Variants in TASOR2 observed in about 807,000 individuals in gnomAD.
The protein encoded by TASOR2 is transcription activation suppressor family member 2, also known as protein TASOR 2.
In TASOR2, 84 loss-of-function variants were observed where a neutral mutation model predicts 199.5. That is an observed-to-expected ratio of 0.42 (90% CI 0.35 to 0.50). The LOEUF (loss-of-function observed/expected upper bound fraction) is 0.50, where lower values mean the gene tolerates loss of function less well. TASOR2 is among the 20% of genes least tolerant of loss of function. The probability of loss-of-function intolerance (pLI) is 0.02; values close to 1 mark genes in which losing one functional copy is unlikely to be tolerated. For missense variants in TASOR2, 2,796 were observed against 2,835.9 expected, an observed-to-expected ratio of 0.99 and a Z score of 0.32; for synonymous variants, 1,103 against 1,046.6, an observed-to-expected ratio of 1.05 and a Z score of -1.04.
At chr10:5,692,600 A>C (rs921965287) in intron 1 of TASOR2, among the ~76,000 whole-genome samples, 1 of 151,962 alleles carries the variant, frequency 6.6e-6, no homozygotes, top group African/African-American at 2.4e-5. Context: ...CCTACCCGCT[A>C]CAAGCTCCGT....
At position 5,737,395 on chromosome 10, in the gene TASOR2, T is replaced by C. The variant is rs1349454019; in HGVS notation, c.1447+1849T>C. Among the ~76,000 whole-genome samples, 3 of 151,636 alleles carry C rather than the reference T, an allele frequency of 2.0e-5. No homozygotes were observed. Among genetic ancestry groups the C allele is most frequent in the South Asian group, 2.1e-4 (1 of 4,772 alleles). ...GCTCATCATGTCATTCAAAAACCCA[T>C]ATGCTGCAGTTTTGGCTTCCATACC... On this transcript the variant is annotated intron_variant, in intron 12 of 20. Coordinates refer to ENST00000328090, the Ensembl canonical transcript of TASOR2. This position sits in a 1 kb window ranked among gnomAD's most constrained non-coding sequence, Gnocchi z 4.9.
At position 5,698,502 on chromosome 10, in the gene TASOR2, AT is replaced by A. The variant is rs1181111591; in HGVS notation, c.-288+13329del. Among the ~76,000 whole-genome samples the A allele has an allele frequency of 4.0e-4, 61 of 152,350 alleles. No homozygotes were observed. The highest frequency in any genetic ancestry group is 1.4e-3 in the African/African-American group (58 of 41,574). ...TACAGACGATATTTTTCAAAACAAT[AT>A]TAGCAGAAAATAAATCACAAGTGGT... is the stretch of plus-strand genomic sequence containing the variant. On this transcript the variant is annotated intron_variant, in intron 1 of 20. Coordinates refer to ENST00000328090, the Ensembl canonical transcript of TASOR2. This position sits in a 1 kb window ranked among gnomAD's most constrained non-coding sequence, Gnocchi z 4.4.
At chr10:5,758,906 C>T in exon 18 of TASOR2, 2 of 1,613,164 alleles carry the variant, frequency 1.2e-6, no homozygotes, top group East Asian at 2.2e-5. Flanking sequence ...AGGAAATTAT[C>T]AAAATCCTGG....
At chr10:5,760,638 T>A (rs1238660158) in intron 18 of TASOR2, among the ~76,000 whole-genome samples, 1 of 152,212 alleles carries the variant, frequency 6.6e-6, no homozygotes, top group Admixed American at 6.5e-5. Flanking sequence ...AAAGTTGGTA[T>A]CATGTAACTA....
In TASOR2 at chr10:5,742,213, T is replaced by G; in HGVS notation, c.2444T>G (p.Val815Gly). ...ATCATACGATCTTCCCGAAAGGTTG[T>G]AGAACACAGCAACCCAGCAAAATAT... Residue 815 changes from valine to glycine, a missense_variant, in exon 14 of 21, where the codon GTA becomes GGA. By Grantham distance (109) the Val-to-Gly change is moderately radical (BLOSUM62 -3). Transcript: ENST00000328090. This position sits in a 1 kb window ranked among gnomAD's most constrained non-coding sequence, Gnocchi z 4.2. 1 of 1,614,180 alleles carries G rather than the reference T, an allele frequency of 6.2e-7. No homozygotes were observed. Among genetic ancestry groups the G allele is most frequent in the Non-Finnish European group, 8.5e-7 (1 of 1,180,016 alleles).
rs976443250 is a variant in TASOR2 at position 5,750,440 on chromosome 10, A to G, written c.6606+413A>G. On this transcript the variant is annotated intron_variant, in intron 15 of 20. Coordinates refer to ENST00000328090, the Ensembl canonical transcript of TASOR2. This position sits in a 1 kb window ranked among gnomAD's most constrained non-coding sequence, Gnocchi z 5.4. ...TTGAATTTGAATGTTAGGATAACTGATGTTACGGTGAGTACATGGAGTACA... is the reference window on the plus strand; with the variant it reads ...TTGAATTTGAATGTTAGGATAACTGGTGTTACGGTGAGTACATGGAGTACA... 1.3e-5 allele frequency among the ~76,000 whole-genome samples: 2 copies of G among 152,206 alleles called. No individual in the cohort carries two copies. Among genetic ancestry groups the G allele is most frequent in the Non-Finnish European group, 2.9e-5 (2 of 68,040 alleles).
At chr10:5,734,261 C>T (rs542894582) in intron 11 of TASOR2, among the ~76,000 whole-genome samples, 1 of 152,308 alleles carries the variant, frequency 6.6e-6, no homozygotes, top group African/African-American at 2.4e-5. Flanking sequence ...TTTAGCTCCA[C>T]CTTTAGCTAT....
In TASOR2 at chr10:5,706,451, C is replaced by A. The variant is rs1013022863; in HGVS notation, c.-287-6372C>A. ...AGCCAGGCAGTAATATCAGAGGGCACAAGCCCAGATTGAAGCTGGAAGACA... is the reference window on the plus strand; with the variant it reads ...AGCCAGGCAGTAATATCAGAGGGCAAAAGCCCAGATTGAAGCTGGAAGACA... On this transcript the variant is annotated intron_variant, in intron 1 of 20. Coordinates refer to ENST00000328090, the Ensembl canonical transcript of TASOR2. The surrounding 1 kb of genome is among the most constrained non-coding windows in gnomAD (Gnocchi z 4.8). 1.3e-5 allele frequency among the ~76,000 whole-genome samples: 2 copies of A among 152,102 alleles called. No individual in the cohort carries two copies. The highest frequency in any genetic ancestry group is 4.8e-5 in the African/African-American group (2 of 41,408).
intron 12 of TASOR2, 96 bp from the exon 14 acceptor site, chr10:5,739,522 T>C (rs1312531616): frequency 1.7e-6 from 2 of 1,200,216 alleles, no homozygotes; most frequent in African/African-American, 3.1e-5. Flanking sequence ...CATAAGTTTT[T>C]CTCAGACATG....
chr10:5,746,179 G>A, exon 15 of TASOR2: 1 of 1,515,820 alleles, frequency 6.6e-7, no homozygotes, highest in Non-Finnish European at 8.8e-7. Context: ...GCCGTTTCAG[G>A]TAACTGGGGA....
chr10:5,762,522 T>TC lies in TASOR2; in HGVS notation c.7175-10_7175-9insC. ...ATTAACCAAAAGTTGTTTTTTTTTT[T>TC]TTTTAACAGACAAGCCTACTATCCC... On this transcript the variant is annotated splice_polypyrimidine_tract_variant and intron_variant, in intron 19 of 20. Transcript: ENST00000328090. 1 of 654,626 alleles carries TC rather than the reference T, an allele frequency of 1.5e-6. No homozygotes were observed. The highest frequency in any genetic ancestry group is 2.4e-6 in the Non-Finnish European group (1 of 419,596). 40.6% of individuals were successfully genotyped at this position (654,626 alleles called of 1,614,324 possible). A position where few individuals can be genotyped will look rare whatever the true frequency, so the allele number is the denominator to read the frequency against.
Position 5,748,891 on chromosome 10 carries a change from T to C in TASOR2, c.5470T>C (p.Tyr1824His). ...GGTCGGTGTGAATTCCGACATGCAC[T>C]ATGAACTCTCTGGAGATTCTGATCT... Residue 1824 changes from tyrosine to histidine, a missense_variant, in exon 15 of 21, where the codon TAT becomes CAT. Around this residue, in one of 3 missense-constraint regions of TASOR2, gnomAD observed 1,941 missense variants for 1,924.9 expected, o/e 1.01. Coordinates refer to ENST00000328090, the Ensembl canonical transcript of TASOR2. The surrounding 1 kb of genome is among the most constrained non-coding windows in gnomAD (Gnocchi z 5.1). 1 of 1,614,200 alleles carries C rather than the reference T, an allele frequency of 6.2e-7. No homozygotes were observed. The highest frequency in any genetic ancestry group is 1.1e-5 in the South Asian group (1 of 91,088).
At position 5,749,097 on chromosome 10, in the gene TASOR2, C is replaced by G. The variant is rs1294630249; in HGVS notation, c.5676C>G (p.Ser1892Arg). The G allele has an allele frequency of 2.5e-6, 4 of 1,614,104 alleles. No individual in the cohort carries two copies. In the Admixed American group the frequency reaches 6.7e-5, roughly 27 times the overall value. ...GCTGGGTTCCAGGCATGGAGACGAGCCTCCCTCCCGGGCACTGGACTGCTG... is the reference window on the plus strand; with the variant it reads ...GCTGGGTTCCAGGCATGGAGACGAGGCTCCCTCCCGGGCACTGGACTGCTG... The change falls in exon 15 of 21, where the codon AGC becomes AGG. Residue 1892 changes from serine (S) to arginine (R), a missense_variant. By Grantham distance (110) the Ser-to-Arg change is moderately radical. Coordinates refer to ENST00000328090, the Ensembl canonical transcript of TASOR2.
chr10:5,703,458 ATGT>A (rs756175144), intron 1 of TASOR2, among the ~76,000 whole-genome samples: 23 of 145,790 alleles, frequency 1.6e-4, no homozygotes, highest in Non-Finnish European at 3.3e-4. Context: ...TATCTCAATC[ATGT>A]TGTTTTATAT....
At chr10:5,725,125 C>T (rs1463000240) in intron 8 of TASOR2, among the ~76,000 whole-genome samples, 2 of 152,106 alleles carry the variant, frequency 1.3e-5, no homozygotes, top group Non-Finnish European at 2.9e-5. Context: ...CACGGCCAGG[C>T]GTGGTGGTTC....
intron 12 of TASOR2, among the ~76,000 whole-genome samples, chr10:5,739,370 T>C (rs2131611255): frequency 6.6e-6 from 1 of 152,328 alleles, no homozygotes; most frequent in Admixed American, 6.5e-5. Context: ...GTCCCTCTGG[T>C]TTAACACATT....
chr10:5,699,123 A>G lies in TASOR2; in HGVS notation c.-287-13700A>G, dbSNP rs1837493741. 6.6e-6 allele frequency among the ~76,000 whole-genome samples: 1 copy of G among 152,244 alleles called. No individual in the cohort carries two copies. Among genetic ancestry groups the G allele is most frequent in the Admixed American group, 6.5e-5 (1 of 15,280 alleles). On this transcript the variant is annotated intron_variant, in intron 1 of 20. Coordinates refer to ENST00000328090, the Ensembl canonical transcript of TASOR2. The surrounding 1 kb of genome is among the most constrained non-coding windows in gnomAD (Gnocchi z 4.1). ...GATAAACAAAATGTAGTATATCCAC[A>G]AAGTGGAATATTATTTGGCATAAAA...
chr10:5,710,360 A>G lies in TASOR2; in HGVS notation c.-287-2463A>G, dbSNP rs1450833271. 6.6e-6 allele frequency among the ~76,000 whole-genome samples: 1 copy of G among 152,156 alleles called. No homozygotes were observed. ...TGCTTTTATGCATATACTGCTATAT[A>G]TTGAAGAATACTGGCCTAAAGTGGA... On this transcript the variant is annotated intron_variant, in intron 1 of 20. Coordinates refer to ENST00000328090, the Ensembl canonical transcript of TASOR2. This position sits in a 1 kb window ranked among gnomAD's most constrained non-coding sequence, Gnocchi z 4.6.
intron 7 of TASOR2, 42 bp downstream of exon 8, chr10:5,723,819 G>T (rs746284188): frequency 2.2e-6 from 3 of 1,363,200 alleles, no homozygotes; most frequent in African/African-American, 2.9e-5. Flanking sequence ...CCTGGGCTTT[G>T]TTCTGGTTAT....
Sources: allele counts gnomAD v4.1 joint callset (sites outside exome capture counted in the v4.1 genomes callset), GRCh38; gene constraint gnomAD v4.1.1; regional missense constraint gnomAD v4.1.1; non-coding constraint Gnocchi (gnomAD v3.1); transcripts MANE v1.5; gene names NCBI Gene and HGNC (gene_info 2026-07-23, HGNC 2026-07-21).